NIBAN2: variants seen among roughly 807,000 people sequenced by gnomAD.
NIBAN2 encodes niban apoptosis regulator 2, also known as protein Niban 2.
NIBAN2 carries 36 observed loss-of-function variants against 81.8 expected under a neutral mutation model. That is an observed-to-expected ratio of 0.44 (90% CI 0.34 to 0.58). The LOEUF (loss-of-function observed/expected upper bound fraction) is 0.58. NIBAN2 is among the 20% of genes least tolerant of loss of function. The probability of loss-of-function intolerance (pLI) is 0.02; values close to 1 mark genes in which losing one functional copy is unlikely to be tolerated. For synonymous variants in NIBAN2, 445 were observed against 441.6 expected, an observed-to-expected ratio of 1.01 and a Z score of -0.10; for missense variants, 897 against 1,014.1, an observed-to-expected ratio of 0.88 and a Z score of 1.57.
chr9:127,578,072 T>C (rs1838029686), intron 1 of NIBAN2, among the ~76,000 whole-genome samples: 1 of 150,902 alleles, frequency 6.6e-6, no homozygotes, highest in Non-Finnish European at 1.5e-5. Flanking sequence ...GTGCCTGAAA[T>C]CCCATCTACT....
At chr9:127,541,127 A>T (rs1372555881) in intron 1 of NIBAN2, among the ~76,000 whole-genome samples, 1 of 152,188 alleles carries the variant, frequency 6.6e-6, no homozygotes, top group Non-Finnish European at 1.5e-5. Flanking sequence ...AGTTGTCCCA[A>T]GCACCACCAT....
chr9:127,525,168 G>A lies in NIBAN2; in HGVS notation c.316-5C>T. ...TGGGACCTGCCGCTCATAGGCCTGAGGGAGGCAAGAGAGAGGGTCCCTGAG... is the reference window on the plus strand; with the variant it reads ...TGGGACCTGCCGCTCATAGGCCTGAAGGAGGCAAGAGAGAGGGTCCCTGAG... On this transcript the variant is annotated splice_region_variant and splice_polypyrimidine_tract_variant and intron_variant, in intron 3 of 13. Transcript: ENST00000373312. The A allele has an allele frequency of 1.2e-6, 2 of 1,612,738 alleles. No individual in the cohort carries two copies. Among genetic ancestry groups the A allele is most frequent in the South Asian group, 1.1e-5 (1 of 91,048 alleles).
chr9:127,509,367 C>A (rs1272548563), intron 9 of NIBAN2, among the ~76,000 whole-genome samples: 1 of 152,114 alleles, frequency 6.6e-6, no homozygotes, highest in South Asian at 2.1e-4. Flanking sequence ...GGAGAGGCAG[C>A]CTCGGTGCCG....
intron 2 of NIBAN2, 46 bp from the exon 3 acceptor site, chr9:127,527,368 T>C (rs1446373823): frequency 1.9e-6 from 3 of 1,555,326 alleles, no homozygotes; most frequent in South Asian, 1.1e-5. Context: ...TCTGGGGGGG[T>C]GGTGCTCCCC....
chr9:127,557,396 C>T (rs1837691094), intron 1 of NIBAN2, among the ~76,000 whole-genome samples: 1 of 152,146 alleles, frequency 6.6e-6, no homozygotes, highest in Admixed American at 6.5e-5. Context: ...TCACCCAAGG[C>T]CACAGAGGTC....
In NIBAN2 at chr9:127,508,886, C is replaced by T. The variant is rs1022515405; in HGVS notation, c.1317+90G>A. ...CCAGGCAAGCGTGGCTATGGCATGA[C>T]GGGACGGAGCAGAAGGGACCCCCTG... is the stretch of plus-strand genomic sequence containing the variant. On this transcript the variant is annotated intron_variant, in intron 10 of 13. Transcript: ENST00000373312. This position sits in a 1 kb window ranked among gnomAD's most constrained non-coding sequence, Gnocchi z 6.4. The T allele has an allele frequency of 5.5e-6, 8 of 1,445,864 alleles. No homozygotes were observed. The highest frequency in any genetic ancestry group is 1.4e-5 in the African/African-American group (1 of 71,308). 89.6% of individuals were successfully genotyped at this position (1,445,864 alleles called of 1,614,324 possible).
In NIBAN2 at chr9:127,522,024, G is replaced by C. The variant is rs75249885; in HGVS notation, c.589+1655C>G. On this transcript the variant is annotated intron_variant, in intron 5 of 13. Transcript: ENST00000373312. ...GCAGGTCACCCACCCTGCCAGGCCA[G>C]GTCAGCCGTTAGCCTTGGAAACCTG... Among the ~76,000 whole-genome samples the C allele has an allele frequency of 3.7e-3, 568 of 152,260 alleles. 6 individuals carry two copies. In the East Asian group the frequency reaches 0.044, roughly 12 times the overall value.
chr9:127,526,403 A>AG (rs1837064462), intron 3 of NIBAN2, among the ~76,000 whole-genome samples: 1 of 151,150 alleles, frequency 6.6e-6, no homozygotes. Flanking sequence ...CATCTCAAAA[A>AG]AAAAAAAAAA....
intron 1 of NIBAN2, among the ~76,000 whole-genome samples, chr9:127,554,548 C>CTTTTTTTTTTTTTTTTTTTTTTTT (rs1230242603): frequency 9.6e-6 from 1 of 103,706 alleles, no homozygotes; most frequent in Non-Finnish European, 1.8e-5. Context: ...TTTTCTTTTT[C>CTTTTTTTTTTTTTTTTTTTTTTTT]TTTTTTTTTT....
chr9:127,529,407 G>A (rs1564304728), intron 2 of NIBAN2, among the ~76,000 whole-genome samples: 1 of 152,236 alleles, frequency 6.6e-6, no homozygotes, highest in Non-Finnish European at 1.5e-5. Flanking sequence ...GGGAGGCCGA[G>A]GCAGGTGGAT....
intron 1 of NIBAN2, among the ~76,000 whole-genome samples, chr9:127,554,556 T>C (rs1263404412): frequency 2.2e-4 from 32 of 143,722 alleles, no homozygotes; most frequent in Middle Eastern, 3.5e-3. Flanking sequence ...TTCTTTTTTT[T>C]TTTTTTTTTT....
intron 1 of NIBAN2, among the ~76,000 whole-genome samples, chr9:127,543,911 T>C (rs1403014209): frequency 6.6e-6 from 1 of 152,198 alleles, no homozygotes; most frequent in African/African-American, 2.4e-5. Context: ...ATCCCATATA[T>C]GCTAAAAATT....
chr9:127,551,312 C>G (rs1218053521), intron 1 of NIBAN2, among the ~76,000 whole-genome samples: 1 of 152,160 alleles, frequency 6.6e-6, no homozygotes, highest in Non-Finnish European at 1.5e-5. Flanking sequence ...CACCTGAGAT[C>G]AGGAGTTCAA....
In NIBAN2 at chr9:127,568,902, G is replaced by C; in HGVS notation, c.-28C>G. 7.9e-7 allele frequency: 1 copy of C among 1,261,666 alleles called. No individual in the cohort carries two copies. The highest frequency in any genetic ancestry group is 1.0e-6 in the Non-Finnish European group (1 of 1,003,612). The allele number at this position is 1,261,666 out of a possible 1,614,324, so 78.2% of individuals were successfully genotyped here. A position where few individuals can be genotyped will look rare whatever the true frequency, so the allele number is the denominator to read the frequency against. ...CCAGGAGGTGTCGCGGCCCGATCCG[G>C]CCGACGCCGCCGCTGTTGCCCGCGC... On this transcript the variant is annotated 5_prime_UTR_variant, in exon 1 of 14. Coordinates refer to ENST00000373312, the MANE Select transcript of NIBAN2 (RefSeq NM_022833.4).
chr9:127,521,046 C>T (rs1361872278), intron 5 of NIBAN2, among the ~76,000 whole-genome samples: 1 of 152,294 alleles, frequency 6.6e-6, no homozygotes, highest in East Asian at 1.9e-4. Context: ...CTGCTGACAC[C>T]TTGCCCTCGA....
In NIBAN2 at chr9:127,527,328, G is replaced by A. The variant is rs767954549; in HGVS notation, c.187-6C>T. 6.2e-7 allele frequency: 1 copy of A among 1,612,980 alleles called. No homozygotes were observed. Among genetic ancestry groups the A allele is most frequent in the Admixed American group, 1.7e-5 (1 of 60,012 alleles). ...ATGCGCTCGTCCAGTGGCACCTGTG[G>A]GCAGGAGCGGGTGGGGAGTGAGGCC... On this transcript the variant is annotated splice_region_variant and splice_polypyrimidine_tract_variant and intron_variant, in intron 2 of 13. Coordinates refer to ENST00000373312, the MANE Select transcript of NIBAN2 (RefSeq NM_022833.4).
upstream of NIBAN2, among the ~76,000 whole-genome samples, chr9:127,571,209 T>C (rs946614181): frequency 3.5e-5 from 5 of 144,370 alleles, no homozygotes; most frequent in African/African-American, 1.5e-4. Context: ...CTGCCTACCA[T>C]GTGAGGCCCC....
At chr9:127,568,240 G>A (rs1196124003) in intron 1 of NIBAN2, among the ~76,000 whole-genome samples, 3 of 152,286 alleles carry the variant, frequency 2.0e-5, no homozygotes, top group Middle Eastern at 6.8e-3. Flanking sequence ...TGCTGTCTGC[G>A]CCAAAGGACA....
Position 127,568,840 on chromosome 9 carries a change from G to T in NIBAN2, c.35C>A (p.Ala12Asp). The T allele has an allele frequency of 7.3e-7, 1 of 1,370,772 alleles. No individual in the cohort carries two copies. Among genetic ancestry groups the T allele is most frequent in the Non-Finnish European group, 9.5e-7 (1 of 1,057,160 alleles). 84.9% of individuals were successfully genotyped at this position (1,370,772 alleles called of 1,614,324 possible). ...GDVLSTHLDD[A>D]RRQHIAEKTG... Reference sequence around the variant, plus strand: ...CTCACCTGCGATGTGCTGGCGCCGGGCGTCGTCCAGGTGCGTGGACAGCAC... The same window carrying T: ...CTCACCTGCGATGTGCTGGCGCCGGTCGTCGTCCAGGTGCGTGGACAGCAC... The change falls in exon 1 of 14, where the codon GCC (alanine) becomes GAC (aspartate). Residue 12 changes from alanine to aspartate, a missense_variant. Ala to Asp is a moderately radical substitution (Grantham distance 126). Coordinates refer to ENST00000373312, the MANE Select transcript of NIBAN2 (RefSeq NM_022833.4).
Sources: gnomAD v4.1 joint callset for allele counts (sites outside exome capture counted in the v4.1 genomes callset) on GRCh38, gnomAD v4.1.1 for gene constraint, Gnocchi (gnomAD v3.1) non-coding constraint, MANE v1.5 for transcripts, NCBI Gene and HGNC (gene_info 2026-07-23, HGNC 2026-07-21) for gene names.